The following ACYP2 variants were observed in gnomAD, a reference collection of about 807,000 sequenced individuals.
The protein encoded by ACYP2 is acylphosphatase-2.
ACYP2 carries 12 observed loss-of-function variants against 11.2 expected under a neutral mutation model. That is an observed-to-expected ratio of 1.08 (90% CI 0.69 to 1.74). The LOEUF is 1.74. Among genes scored for constraint, ACYP2 ranks in the 40% most tolerant of loss-of-function variants. The probability of loss-of-function intolerance (pLI) is 0.00; values close to 1 mark genes in which losing one functional copy is unlikely to be tolerated. For missense variants in ACYP2, 134 were observed against 101.9 expected (o/e 1.31, Z -1.35); for synonymous variants, 43 against 32.2 (o/e 1.33, Z -1.13).
rs1370989724 is a variant in ACYP2 at position 53,973,795 on chromosome 2, G to C, written c.47G>C (p.Arg16Pro). Residue 16 changes from arginine to proline, a missense_variant, in exon 2 of 7, where the codon CGC becomes CCC. Transcript: ENST00000607452. ...TTTGGTGGTCTCTTCCCACGGACGC[G>C]CGAGACAATGAGGAGGTACTTGGAA... 1 of 329,554 alleles carries C rather than the reference G, an allele frequency of 3.0e-6. No individual in the cohort carries two copies. The highest frequency in any genetic ancestry group is 4.5e-5 in the East Asian group (1 of 22,220). 20.4% of individuals were successfully genotyped at this position (329,554 alleles called of 1,614,324 possible). A position where few individuals can be genotyped will look rare whatever the true frequency, so the allele number is the denominator to read the frequency against.
chr2:53,973,998 C>T (rs144547368), intron 2 of ACYP2, among the ~76,000 whole-genome samples: 10,097 of 148,962 alleles, frequency 0.068, 396 homozygotes, highest in East Asian at 0.11. Flanking sequence ...TCTCCGCCTC[C>T]GGGGTTCAAG....
chr2:54,211,266 C>T (rs1685320826), intron 6 of ACYP2, among the ~76,000 whole-genome samples: 2 of 152,186 alleles, frequency 1.3e-5, no homozygotes, highest in Non-Finnish European at 2.9e-5. Flanking sequence ...GTTAGAGTTT[C>T]CTGATGGCAA....
intron 6 of ACYP2, among the ~76,000 whole-genome samples, chr2:54,259,752 G>A (rs1444111339): frequency 6.6e-6 from 1 of 152,128 alleles, no homozygotes; most frequent in African/African-American, 2.4e-5. Context: ...AAGAAACAAA[G>A]AAATGGGATC....
At chr2:54,064,167 C>G (rs1206292328) in intron 4 of ACYP2, among the ~76,000 whole-genome samples, 2 of 151,978 alleles carry the variant, frequency 1.3e-5, no homozygotes, top group African/African-American at 4.8e-5. Flanking sequence ...TTTGGCTGCT[C>G]AGCATTTTTT....
intron 2 of ACYP2, among the ~76,000 whole-genome samples, chr2:54,047,093 G>T (rs1285708394): frequency 2.6e-5 from 4 of 152,146 alleles, no homozygotes; most frequent in African/African-American, 9.7e-5. Flanking sequence ...AGGCACCAAG[G>T]CACTAAGGCA....
intron 6 of ACYP2, among the ~76,000 whole-genome samples, chr2:54,175,328 T>G (rs539485846): frequency 6.6e-6 from 1 of 152,180 alleles, no homozygotes; most frequent in Non-Finnish European, 1.5e-5. Flanking sequence ...AGAGGTGTTT[T>G]TAGTATTCTC....
intron 4 of ACYP2, among the ~76,000 whole-genome samples, chr2:54,110,156 A>T (rs772859032): frequency 3.9e-4 from 59 of 152,168 alleles, no homozygotes; most frequent in Non-Finnish European, 7.3e-4. Flanking sequence ...AACACACACA[A>T]AATTAGAGAA....
chr2:54,097,472 G>A (rs1358794585), intron 4 of ACYP2, among the ~76,000 whole-genome samples: 2 of 152,174 alleles, frequency 1.3e-5, no homozygotes, highest in South Asian at 4.1e-4. Flanking sequence ...TTCCTCAGAG[G>A]CACCTGGTTA....
intron 6 of ACYP2, among the ~76,000 whole-genome samples, chr2:54,252,958 C>G (rs1687298893): frequency 6.6e-6 from 1 of 151,744 alleles, no homozygotes; most frequent in South Asian, 2.1e-4. Flanking sequence ...AACAATCTCA[C>G]AAGCACTTCC....
intron 6 of ACYP2, among the ~76,000 whole-genome samples, chr2:54,230,497 ACCACACCCGGCTATGCGCCTGG>A (rs940342868): frequency 5.3e-5 from 8 of 151,648 alleles, no homozygotes; most frequent in African/African-American, 1.5e-4. Flanking sequence ...GCTGGGCGCC[ACCACACCCGGCTATGCGCCTGG>A]CCACACCCGG....
intron 6 of ACYP2, among the ~76,000 whole-genome samples, chr2:54,184,793 T>G (rs843674): frequency 0.22 from 33,741 of 151,836 alleles, 4,406 homozygotes; most frequent in South Asian, 0.43. Context: ...AAGAAAAGAC[T>G]CCATGTTATA....
chr2:54,013,308 TG>T (rs1558471445), intron 2 of ACYP2, among the ~76,000 whole-genome samples: 10 of 142,932 alleles, frequency 7.0e-5, no homozygotes, highest in East Asian at 2.1e-4. Flanking sequence ...TGTGTGTGTG[TG>T]TGTGTGTTTT....
Position 54,261,155 on chromosome 2 carries a change from ATAT to A in ACYP2, c.405-43528_405-43526del, listed in dbSNP as rs1311231700. Reference sequence around the variant, plus strand: ...TTTTAAAATTGAAAGGTGAGTAGTGATATTATTCTTTGAGTTCATTGTGAAGTG... The same window carrying A: ...TTTTAAAATTGAAAGGTGAGTAGTGATATTCTTTGAGTTCATTGTGAAGTG... On this transcript the variant is annotated intron_variant, in intron 6 of 6. Coordinates refer to ENST00000607452, the MANE Select transcript of ACYP2 (RefSeq NM_001320586.2). Among the ~76,000 whole-genome samples the A allele has an allele frequency of 5.9e-5, 9 of 152,188 alleles. No homozygotes were observed. In the East Asian group the frequency reaches 1.7e-3, roughly 29 times the overall value.
intron 4 of ACYP2, among the ~76,000 whole-genome samples, chr2:54,130,235 A>G (rs1256181188): frequency 6.6e-6 from 1 of 152,186 alleles, no homozygotes; most frequent in African/African-American, 2.4e-5. Flanking sequence ...GGAGGGATAA[A>G]TAATGGGAAG....
chr2:54,250,064 T>G (rs1002017476), intron 6 of ACYP2, among the ~76,000 whole-genome samples: 8 of 152,146 alleles, frequency 5.3e-5, no homozygotes, highest in African/African-American at 1.9e-4. Flanking sequence ...TCAGTGCACT[T>G]TCTATTTTAT....
chr2:53,979,110 G>A (rs1483782888), intron 2 of ACYP2, among the ~76,000 whole-genome samples: 1 of 151,868 alleles, frequency 6.6e-6, no homozygotes, highest in Non-Finnish European at 1.5e-5. Flanking sequence ...CCTTCAGTAG[G>A]GATTCGAGAA....
At chr2:54,037,144 G>T (rs536995254) in intron 2 of ACYP2, among the ~76,000 whole-genome samples, 1 of 151,970 alleles carries the variant, frequency 6.6e-6, no homozygotes, top group Non-Finnish European at 1.5e-5. Flanking sequence ...ACAGAATCTC[G>T]CTCTGTCACC....
chr2:53,973,318 G>A lies in ACYP2; in HGVS notation c.-36-395G>A, dbSNP rs374317187. On this transcript the variant is annotated intron_variant, in intron 1 of 6. Coordinates refer to ENST00000607452, the MANE Select transcript of ACYP2 (RefSeq NM_001320586.2). The stretch of plus-strand genomic sequence containing the variant: ...AACCTTTTAAAAAATAATGGGGTAG[G>A]GAGAGCCGGAAAGAGATGAGTGTCA... 5.7e-4 allele frequency among the ~76,000 whole-genome samples: 87 copies of A among 152,260 alleles called. No individual in the cohort carries two copies. The East Asian group carries it at 9.7e-3, about 17-fold the overall frequency.
At chr2:54,105,467 T>A (rs1408398040) in intron 4 of ACYP2, among the ~76,000 whole-genome samples, 1 of 152,058 alleles carries the variant, frequency 6.6e-6, no homozygotes, top group Non-Finnish European at 1.5e-5. Context: ...CATCTCTAAA[T>A]TTTTTAAATT....
Sources: gnomAD v4.1 joint callset for allele counts (sites outside exome capture counted in the v4.1 genomes callset) on GRCh38, gnomAD v4.1.1 for gene constraint, MANE v1.5 for transcripts, NCBI Gene and HGNC (gene_info 2026-07-23, HGNC 2026-07-21) for gene names.